The following UGT1A7 variants were observed in gnomAD, a reference collection of about 807,000 sequenced individuals.
UGT1A7 encodes the protein UDP glucuronosyltransferase family 1 member A7, also known as UDP-glucuronosyltransferase 1A7.
A neutral mutation model predicts 45.6 loss-of-function variants in UGT1A7; 33 were observed. The observed-to-expected ratio is 0.72, with a 90% CI of 0.55 to 0.97. The LOEUF is 0.97. Among genes scored for constraint, UGT1A7 ranks in the 50% least tolerant of loss-of-function variants. The pLI, the probability that UGT1A7 is intolerant of heterozygous loss-of-function variation, is 0.00. For missense variants in UGT1A7, 684 were observed against 666.2 expected (o/e 1.03, Z -0.29); for synonymous variants, 274 against 250.6 (o/e 1.09, Z -0.88).
At chr2:233,715,005 T>G (rs2076427841) in intron 1 of UGT1A7, among the ~76,000 whole-genome samples, 1 of 152,190 alleles carries the variant, frequency 6.6e-6, no homozygotes, top group African/African-American at 2.4e-5. Context: ...GCCTCCCAAG[T>G]AGCTGGAACT....
At chr2:233,692,888 G>T in intron 1 of UGT1A7, 1 of 1,520,238 alleles carries the variant, frequency 6.6e-7, no homozygotes. Flanking sequence ...TCAGAGCAAG[G>T]GAGAGGTAGA....
At chr2:233,713,138 G>T (rs753871977) in intron 1 of UGT1A7, 31 of 1,614,080 alleles carry the variant, frequency 1.9e-5, no homozygotes, top group Non-Finnish European at 2.5e-5. Flanking sequence ...AGGCCTTGCG[G>T]GACCTCCATG....
intron 1 of UGT1A7, among the ~76,000 whole-genome samples, chr2:233,709,707 T>G (rs1363464719): frequency 6.6e-6 from 1 of 152,230 alleles, no homozygotes; most frequent in East Asian, 1.9e-4. Flanking sequence ...TGTTCTTTTT[T>G]AATTGAATGA....
chr2:233,758,423 G>T (rs1305067521), intron 1 of UGT1A7, among the ~76,000 whole-genome samples: 3 of 152,182 alleles, frequency 2.0e-5, no homozygotes, highest in Non-Finnish European at 1.5e-5. Flanking sequence ...ATCTGCAAAT[G>T]AACTCACACA....
chr2:233,757,899 T>C (rs1696747026), intron 1 of UGT1A7, among the ~76,000 whole-genome samples: 1 of 152,126 alleles, frequency 6.6e-6, no homozygotes, highest in African/African-American at 2.4e-5. Context: ...ACACTTTCCA[T>C]GGACGTGTCA....
intron 1 of UGT1A7, among the ~76,000 whole-genome samples, chr2:233,731,354 T>C (rs910917478): frequency 6.6e-5 from 10 of 151,866 alleles, no homozygotes; most frequent in African/African-American, 2.4e-4. Context: ...GATACATAGG[T>C]ATACATGTGC....
intron 2 of UGT1A7, among the ~76,000 whole-genome samples, chr2:233,767,385 C>T (rs930276020): frequency 1.6e-4 from 25 of 152,084 alleles, no homozygotes; most frequent in African/African-American, 5.8e-4. Context: ...CCACCACACT[C>T]AGAAGTATCA....
chr2:233,730,223 A>G (rs144120008), intron 1 of UGT1A7, among the ~76,000 whole-genome samples: 2 of 152,266 alleles, frequency 1.3e-5, no homozygotes, highest in Non-Finnish European at 2.9e-5. Flanking sequence ...AATGTTTGTA[A>G]AAGGATGGAC....
At chr2:233,695,729 A>G (rs1390591347) in intron 1 of UGT1A7, among the ~76,000 whole-genome samples, 2 of 152,158 alleles carry the variant, frequency 1.3e-5, no homozygotes, top group Admixed American at 1.3e-4. Context: ...AGTTACATTT[A>G]TGTTGCTGCA....
At chr2:233,715,166 G>T (rs568439911) in intron 1 of UGT1A7, among the ~76,000 whole-genome samples, 1 of 152,228 alleles carries the variant, frequency 6.6e-6, no homozygotes, top group African/African-American at 2.4e-5. Context: ...AATTACAGGC[G>T]CGAGCCACCA....
intron 1 of UGT1A7, among the ~76,000 whole-genome samples, chr2:233,727,137 A>T (rs1221662096): frequency 6.6e-6 from 1 of 152,174 alleles, no homozygotes; most frequent in Non-Finnish European, 1.5e-5. Context: ...GGGGAACAAG[A>T]CCACACAGGT....
chr2:233,761,076 T>A, intron 1 of UGT1A7: 4 of 1,614,164 alleles, frequency 2.5e-6, no homozygotes, highest in Non-Finnish European at 3.4e-6. Flanking sequence ...TTGTGAAGGA[T>A]TACCCTAGGC....
intron 1 of UGT1A7, among the ~76,000 whole-genome samples, chr2:233,692,622 A>G (rs2075106076): frequency 6.6e-6 from 1 of 152,216 alleles, no homozygotes. Context: ...CATCATGGAC[A>G]TAACAGACAA....
intron 1 of UGT1A7, chr2:233,729,814 C>A (rs776482922): frequency 5.0e-6 from 8 of 1,613,896 alleles, no homozygotes; most frequent in Non-Finnish European, 6.8e-6. Flanking sequence ...TTTTTCTGCT[C>A]CTTATGCAAG....
chr2:233,767,839 C>T lies in UGT1A7; in HGVS notation c.988-10C>T. 6.2e-7 allele frequency: 1 copy of T among 1,614,144 alleles called. No homozygotes were observed. Among genetic ancestry groups the T allele is most frequent in the South Asian group, 1.1e-5 (1 of 91,080 alleles). ...CTTTCTTTACGTTCTGCTCTTTTTG[C>T]CCCTCCCAGGTCCTGTGGCGGTACA... On this transcript the variant is annotated splice_polypyrimidine_tract_variant and intron_variant, in intron 2 of 4. Transcript: ENST00000373426.
chr2:233,721,801 A>T, intron 1 of UGT1A7: 1 of 514,724 alleles, frequency 1.9e-6, no homozygotes, highest in Non-Finnish European at 3.9e-6. Context: ...AAGCACATGC[A>T]GCAAAAATCC....
chr2:233,730,635 A>G (rs2078055173), intron 1 of UGT1A7, among the ~76,000 whole-genome samples: 1 of 152,172 alleles, frequency 6.6e-6, no homozygotes, highest in Admixed American at 6.5e-5. Context: ...GGTCTGGTGC[A>G]TGATGTGGGG....
chr2:233,772,862 C>A lies in UGT1A7; in HGVS notation c.*303C>A. 1 of 682,608 alleles carries A rather than the reference C, an allele frequency of 1.5e-6. No homozygotes were observed. The highest frequency in any genetic ancestry group is 2.2e-6 in the Non-Finnish European group (1 of 464,492). 42.3% of individuals were successfully genotyped at this position (682,608 alleles called of 1,614,324 possible). A position where few individuals can be genotyped will look rare whatever the true frequency, so the allele number is the denominator to read the frequency against. On this transcript the variant is annotated 3_prime_UTR_variant, in exon 5 of 5. Coordinates refer to ENST00000373426, the MANE Select transcript of UGT1A7 (RefSeq NM_019077.3). ...TTACTTTTCTTACTCTGAAACATGGCCTGTTTGGGAGTGCGGGATTCAAAG... is the reference window on the plus strand; with the variant it reads ...TTACTTTTCTTACTCTGAAACATGGACTGTTTGGGAGTGCGGGATTCAAAG...
chr2:233,754,378 C>A, intron 1 of UGT1A7: 1 of 285,606 alleles, frequency 3.5e-6, no homozygotes, highest in East Asian at 8.9e-5. Flanking sequence ...GATCGAAAGA[C>A]AAACAGAGGT....
Sources: gnomAD v4.1 joint callset for allele counts (sites outside exome capture counted in the v4.1 genomes callset) on GRCh38, gnomAD v4.1.1 for gene constraint, MANE v1.5 for transcripts, NCBI Gene and HGNC (gene_info 2026-07-23, HGNC 2026-07-21) for gene names.